PPP6C: variants seen among roughly 807,000 people sequenced by gnomAD.
PPP6C encodes serine/threonine-protein phosphatase 6 catalytic subunit.
PPP6C carries 11 observed loss-of-function variants against 39.8 expected under a neutral mutation model. That is an observed-to-expected ratio of 0.28 (90% CI 0.17 to 0.46). PPP6C has a LOEUF of 0.46. Ranked by LOEUF, PPP6C falls within the 20% of genes least tolerant of loss-of-function variation. The probability of loss-of-function intolerance (pLI) is 1.00; values close to 1 mark genes in which losing one functional copy is unlikely to be tolerated. For missense variants in PPP6C, 211 were observed against 373.9 expected, an observed-to-expected ratio of 0.56 and a Z score of 3.59; for synonymous variants, 129 against 130.3, an observed-to-expected ratio of 0.99 and a Z score of 0.07.
intron 1 of PPP6C, among the ~76,000 whole-genome samples, chr9:125,183,515 A>G (rs1039068482): frequency 2.0e-5 from 3 of 152,160 alleles, no homozygotes; most frequent in Non-Finnish European, 4.4e-5. Context: ...ATTTTTCCCT[A>G]AAATATAAAA....
chr9:125,149,386 G>A lies in PPP6C; in HGVS notation c.*287C>T. On this transcript the variant is annotated 3_prime_UTR_variant, in exon 7 of 7. Coordinates refer to ENST00000373547, the MANE Select transcript of PPP6C (RefSeq NM_002721.5). The stretch of plus-strand genomic sequence containing the variant: ...GAAACACATCCTGTTTCCCAGACCA[G>A]TAAATAAGCAAGAGCTACATGCAGC... The A allele has an allele frequency of 3.5e-6, 1 of 283,980 alleles. No individual in the cohort carries two copies. Among genetic ancestry groups the A allele is most frequent in the Non-Finnish European group, 6.5e-6 (1 of 153,584 alleles). The allele number at this position is 283,980 out of a possible 1,614,324, so 17.6% of individuals were successfully genotyped here.
intron 1 of PPP6C, among the ~76,000 whole-genome samples, chr9:125,175,502 G>C (rs1373691415): frequency 6.6e-6 from 1 of 151,806 alleles, no homozygotes; most frequent in African/African-American, 2.4e-5. Flanking sequence ...AATTAGCGGG[G>C]CATGGTGGCA....
At chr9:125,158,506 GA>G in intron 3 of PPP6C, 124 bp from the exon 4 acceptor site, 1 of 980,698 alleles carries the variant, frequency 1.0e-6, no homozygotes, top group Non-Finnish European at 1.4e-6. Flanking sequence ...GAATTATTTG[GA>G]AATTTGATTT....
intron 2 of PPP6C, among the ~76,000 whole-genome samples, chr9:125,161,416 T>C (rs571541486): frequency 6.6e-6 from 1 of 152,160 alleles, no homozygotes; most frequent in South Asian, 2.1e-4. Context: ...CAATGATCAG[T>C]TAAAAAAAAA....
chr9:125,170,099 C>T (rs893259931), intron 2 of PPP6C, among the ~76,000 whole-genome samples: 2 of 152,198 alleles, frequency 1.3e-5, no homozygotes, highest in African/African-American at 4.8e-5. Flanking sequence ...GCCCCAACTA[C>T]ACTGTATGCA....
rs1835823221 is a variant in PPP6C at position 125,146,793 on chromosome 9, A to G, written c.*2880T>C. 6.6e-6 allele frequency: 1 copy of G among 152,170 alleles called. No individual in the cohort carries two copies. Among genetic ancestry groups the G allele is most frequent in the Non-Finnish European group, 1.5e-5 (1 of 68,022 alleles). 9.4% of individuals were successfully genotyped at this position (152,170 alleles called of 1,614,324 possible). A position where few individuals can be genotyped will look rare whatever the true frequency, so the allele number is the denominator to read the frequency against. On this transcript the variant is annotated 3_prime_UTR_variant, in exon 7 of 7. Coordinates refer to ENST00000373547, the MANE Select transcript of PPP6C (RefSeq NM_002721.5). Reference sequence around the variant, plus strand: ...TAAAAATCTGGATTCTTGATGTCAAATCTCTTCGACTCCAGATACACAATT... The same window carrying G: ...TAAAAATCTGGATTCTTGATGTCAAGTCTCTTCGACTCCAGATACACAATT...
At chr9:125,189,047 T>G in intron 1 of PPP6C, 1 of 904,940 alleles carries the variant, frequency 1.1e-6, no homozygotes, top group Non-Finnish European at 1.7e-6. Flanking sequence ...GAAACGGGAT[T>G]CACCTCTGAA....
chr9:125,158,417 A>G (rs1157347491), intron 3 of PPP6C, 35 bp from the exon 4 acceptor site: 4 of 1,583,048 alleles, frequency 2.5e-6, no homozygotes, highest in Admixed American at 1.7e-5. Flanking sequence ...CAAACAATAC[A>G]ATAGCCACAA....
intron 1 of PPP6C, among the ~76,000 whole-genome samples, chr9:125,177,912 T>C (rs975244547): frequency 3.9e-5 from 6 of 152,146 alleles, no homozygotes; most frequent in African/African-American, 9.6e-5. Context: ...TATGTAGCCT[T>C]TTCAGGTTGG....
At chr9:125,160,794 T>C in intron 3 of PPP6C, 47 bp downstream of exon 3, 3 of 1,311,422 alleles carry the variant, frequency 2.3e-6, no homozygotes, top group Non-Finnish European at 3.2e-6. Flanking sequence ...ATAAGTCAGA[T>C]CCTTTCCATT....
chr9:125,187,217 G>A (rs533773709), intron 1 of PPP6C, among the ~76,000 whole-genome samples: 1 of 151,906 alleles, frequency 6.6e-6, no homozygotes, highest in South Asian at 2.1e-4. Flanking sequence ...AAAGTGCTGG[G>A]ATTACAGGCG....
Position 125,163,496 on chromosome 9 carries a change from T to A in PPP6C, c.172-2590A>T, listed in dbSNP as rs188590063. On this transcript the variant is annotated intron_variant, in intron 2 of 6. Transcript: ENST00000373547. ...CCCAGGCTGCAATGCAATGGTGCGA[T>A]CTCGGCTCACTGCATCCTCCGCCTC... 3.7e-4 allele frequency among the ~76,000 whole-genome samples: 57 copies of A among 152,334 alleles called. 1 individual carries two copies. In the South Asian group the frequency reaches 0.011, roughly 29 times the overall value.
At chr9:125,156,744 GCTCTCTCTCTCT>G (rs61252351) in intron 4 of PPP6C, among the ~76,000 whole-genome samples, 2,268 of 141,432 alleles carry the variant, frequency 0.016, 107 homozygotes, top group Admixed American at 0.088. Context: ...TAATAAGCTC[GCTCTCTCTCTCT>G]CTCTCTCTCT....
rs968159997 is a variant in PPP6C at position 125,147,332 on chromosome 9, C to A, written c.*2341G>T. 1.3e-5 allele frequency: 2 copies of A among 152,102 alleles called. No homozygotes were observed. Among genetic ancestry groups the A allele is most frequent in the Admixed American group, 1.3e-4 (2 of 15,278 alleles). 9.4% of individuals were successfully genotyped at this position (152,102 alleles called of 1,614,324 possible). A position where few individuals can be genotyped will look rare whatever the true frequency, so the allele number is the denominator to read the frequency against. On this transcript the variant is annotated 3_prime_UTR_variant, in exon 7 of 7. Transcript: ENST00000373547. Reference sequence around the variant, plus strand: ...CAACATAAGGGATTTTACATTCAGCCTAGATATAGGGAGTAACAAATCCTC... The same window carrying A: ...CAACATAAGGGATTTTACATTCAGCATAGATATAGGGAGTAACAAATCCTC...
Position 125,149,544 on chromosome 9 carries a change from A to T in PPP6C, c.*129T>A. On this transcript the variant is annotated 3_prime_UTR_variant, in exon 7 of 7. Coordinates refer to ENST00000373547, the MANE Select transcript of PPP6C (RefSeq NM_002721.5). ...ATAAATTTAGATAATTTAAAATTTA[A>T]AAAAAAAAAGGCAAGAGGCAGCATT... The T allele has an allele frequency of 9.0e-7, 1 of 1,108,862 alleles. No individual in the cohort carries two copies. The highest frequency in any genetic ancestry group is 2.0e-5 in the South Asian group (1 of 50,496). 68.7% of individuals were successfully genotyped at this position (1,108,862 alleles called of 1,614,324 possible). A position where few individuals can be genotyped will look rare whatever the true frequency, so the allele number is the denominator to read the frequency against.
chr9:125,186,146 A>T (rs1473299204), intron 1 of PPP6C, among the ~76,000 whole-genome samples: 1 of 152,088 alleles, frequency 6.6e-6, no homozygotes, highest in Non-Finnish European at 1.5e-5. Flanking sequence ...TCTACAGAAC[A>T]AATCTTTTCC....
rs759196602 is a variant in PPP6C at position 125,189,747 on chromosome 9, GGCGGCGGCGGCTGTAGCA to G, written c.-47_-30del. 37 of 1,437,288 alleles carry G rather than the reference GGCGGCGGCGGCTGTAGCA, an allele frequency of 2.6e-5. No individual in the cohort carries two copies. In the South Asian group the frequency reaches 3.6e-4, roughly 14 times the overall value. The allele number at this position is 1,437,288 out of a possible 1,614,324, so 89.0% of individuals were successfully genotyped here. ...AAGAATAACAAGCCGCGGCAACAGC[GGCGGCGGCGGCTGTAGCA>G]GCGGCGGCGGCAGCGGCGGAGGCCG... On this transcript the variant is annotated 5_prime_UTR_variant, in exon 1 of 7. Transcript: ENST00000373547.
intron 1 of PPP6C, among the ~76,000 whole-genome samples, chr9:125,171,464 C>CAT: frequency 3.9e-5 from 1 of 25,648 alleles, no homozygotes; most frequent in South Asian, 1.4e-3. Context: ...CACATATACA[C>CAT]ACACACACAC....
intron 1 of PPP6C, among the ~76,000 whole-genome samples, chr9:125,174,421 C>T (rs538688746): frequency 6.7e-6 from 1 of 149,856 alleles, no homozygotes; most frequent in South Asian, 2.1e-4. Context: ...AAATGATTTG[C>T]CTTCATTCCT....
Sources: allele counts gnomAD v4.1 joint callset (sites outside exome capture counted in the v4.1 genomes callset), GRCh38; gene constraint gnomAD v4.1.1; transcripts MANE v1.5; gene names NCBI Gene and HGNC (gene_info 2026-07-23, HGNC 2026-07-21).